Variants in MACF1 observed in about 807,000 individuals in gnomAD.
MACF1 encodes microtubule actin crosslinking factor 1, also known as microtubule-actin cross-linking factor 1.
In MACF1, 193 loss-of-function variants were observed where a neutral mutation model predicts 854.8. The ratio of observed to expected loss-of-function variants is 0.23; its 90% CI spans 0.20 to 0.25. The LOEUF is 0.25. Among genes scored for constraint, MACF1 ranks in the 10% least tolerant of loss-of-function variants. The probability of loss-of-function intolerance (pLI) is 1.00; values close to 1 mark genes in which losing one functional copy is unlikely to be tolerated. For missense variants in MACF1, 7,722 were observed against 8,929.1 expected (o/e 0.86, Z 5.45); for synonymous variants, 3,185 against 3,226.7 (o/e 0.99, Z 0.44).
intron 26 of MACF1, among the ~76,000 whole-genome samples, chr1:39,312,562 C>A (rs570784571): frequency 1.3e-5 from 2 of 152,036 alleles, no homozygotes; most frequent in Non-Finnish European, 2.9e-5. Context: ...TGGTGGCTCA[C>A]GTCTGTAATC....
chr1:39,163,031 T>C (rs1445616617), intron 2 of MACF1, among the ~76,000 whole-genome samples: 1 of 152,146 alleles, frequency 6.6e-6, no homozygotes, highest in Non-Finnish European at 1.5e-5. Flanking sequence ...GGGTTTTCTC[T>C]TCAGTGCCAG....
intron 58 of MACF1, among the ~76,000 whole-genome samples, chr1:39,417,554 GT>G (rs557585953): frequency 5.5e-4 from 78 of 141,726 alleles, no homozygotes; most frequent in Middle Eastern, 3.6e-3. Context: ...AAAAGTTTTT[GT>G]TTTTTTTTTT....
At chr1:39,244,270 A>G (rs1644957594) in intron 2 of MACF1, among the ~76,000 whole-genome samples, 1 of 150,910 alleles carries the variant, frequency 6.6e-6, no homozygotes, top group Admixed American at 6.6e-5. Flanking sequence ...ACGCCCCGCT[A>G]ATTTTTGTAT....
At chr1:39,194,594 C>T (rs1644297688) in intron 2 of MACF1, among the ~76,000 whole-genome samples, 1 of 151,990 alleles carries the variant, frequency 6.6e-6, no homozygotes, top group African/African-American at 2.4e-5. Flanking sequence ...CACCCCGCCT[C>T]AGCCTTTTAA....
At chr1:39,285,494 AT>A in intron 13 of MACF1, 104 bp downstream of exon 13, 1 of 1,370,460 alleles carries the variant, frequency 7.3e-7, no homozygotes, top group African/African-American at 1.5e-5. Context: ...CAGATGTATT[AT>A]TTCCCTTTTT....
At chr1:39,304,340 T>C in intron 23 of MACF1, 2 of 779,028 alleles carry the variant, frequency 2.6e-6, no homozygotes, top group South Asian at 2.7e-5. Flanking sequence ...AAATAGGAAA[T>C]AATCCTTGTC....
At chr1:39,138,671 A>AT (rs1054695507) in intron 2 of MACF1, among the ~76,000 whole-genome samples, 23 of 149,256 alleles carry the variant, frequency 1.5e-4, no homozygotes, top group East Asian at 7.9e-4. Context: ...AGGCCAAATA[A>AT]TTTTTTTTTT....
chr1:39,257,995 G>A lies in MACF1; in HGVS notation c.495G>A (p.Leu165=). ...CAGATGGCAACCCCAAGTTGACCCTGGGTCTGATCTGGACCATTATTTTGC... is the reference window on the plus strand; with the variant it reads ...CAGATGGCAACCCCAAGTTGACCCTAGGTCTGATCTGGACCATTATTTTGC... The part of the protein sequence containing the change: ...DITDGNPKLT[L]GLIWTIILHF... The change falls in exon 6 of 101, where the codon CTG becomes CTA. Residue 165 remains leucine, a synonymous_variant. Coordinates refer to ENST00000564288, the MANE Select transcript of MACF1 (RefSeq NM_001394062.1). The A allele has an allele frequency of 6.2e-7, 1 of 1,614,090 alleles. No homozygotes were observed. The highest frequency in any genetic ancestry group is 8.5e-7 in the Non-Finnish European group (1 of 1,179,980).
chr1:39,133,357 A>G lies in MACF1; in HGVS notation c.220+48919A>G, dbSNP rs189480714. ...TCTGGAGTGAGAGCAGAGACCTGGAAGAGAGATCAGTGGGGAGGCAGTCAT... is the reference window on the plus strand; with the variant it reads ...TCTGGAGTGAGAGCAGAGACCTGGAGGAGAGATCAGTGGGGAGGCAGTCAT... On this transcript the variant is annotated intron_variant, in intron 2 of 93. Transcript: ENST00000361689. Among the ~76,000 whole-genome samples, 77 of 152,316 alleles carry G rather than the reference A, an allele frequency of 5.1e-4. No individual in the cohort carries two copies. The East Asian group carries it at 0.012, about 23-fold the overall frequency.
chr1:39,430,371 G>A (rs545986976), intron 65 of MACF1, among the ~76,000 whole-genome samples: 22 of 151,966 alleles, frequency 1.4e-4, no homozygotes, highest in African/African-American at 5.3e-4. Flanking sequence ...TAGAAATATT[G>A]TATAGGTACT....
At chr1:39,394,689 C>A (rs1265841119) in intron 58 of MACF1, among the ~76,000 whole-genome samples, 1 of 152,176 alleles carries the variant, frequency 6.6e-6, no homozygotes, top group Non-Finnish European at 1.5e-5. Context: ...TGCCAGTTTA[C>A]TCCTTCCTTT....
At chr1:39,167,609 G>A (rs534320032) in intron 2 of MACF1, among the ~76,000 whole-genome samples, 9 of 152,076 alleles carry the variant, frequency 5.9e-5, no homozygotes, top group Non-Finnish European at 1.2e-4. Flanking sequence ...AGGAGCCTGA[G>A]GCAGGAGAAT....
chr1:39,104,290 T>C (rs1404644297), intron 2 of MACF1, among the ~76,000 whole-genome samples: 5 of 152,178 alleles, frequency 3.3e-5, no homozygotes, highest in Admixed American at 3.3e-4. Context: ...CCATGAATAT[T>C]GGGATTGAAT....
At chr1:39,178,512 T>A (rs1213704390) in intron 2 of MACF1, among the ~76,000 whole-genome samples, 1 of 152,226 alleles carries the variant, frequency 6.6e-6, no homozygotes, top group East Asian at 1.9e-4. Flanking sequence ...TTCACCCCAG[T>A]GGGGCACATA....
chr1:39,237,493 G>T (rs943935048), intron 2 of MACF1, among the ~76,000 whole-genome samples: 1 of 152,190 alleles, frequency 6.6e-6, no homozygotes, highest in Non-Finnish European at 1.5e-5. Context: ...GTGTTATAGC[G>T]TATGAAGCAC....
At chr1:39,225,547 T>C (rs1644707155) in intron 1 of MACF1, among the ~76,000 whole-genome samples, 1 of 152,204 alleles carries the variant, frequency 6.6e-6, no homozygotes, top group African/African-American at 2.4e-5. Context: ...AGCCTTCTAA[T>C]TCAGTAACCC....
chr1:39,393,192 A>ATATATATATAT (rs1434134146), intron 58 of MACF1, among the ~76,000 whole-genome samples: 31 of 84,628 alleles, frequency 3.7e-4, no homozygotes, highest in African/African-American at 1.4e-3. Flanking sequence ...AAAAAAAAAA[A>ATATATATATAT]AAAAATATAT....
At chr1:39,237,048 G>A (rs758299515) in intron 2 of MACF1, among the ~76,000 whole-genome samples, 2 of 152,190 alleles carry the variant, frequency 1.3e-5, no homozygotes, top group Admixed American at 6.5e-5. Context: ...ACTTTGCAGC[G>A]TTTCCAACCC....
At chr1:39,210,379 T>TA (rs1024948276) in intron 1 of MACF1, among the ~76,000 whole-genome samples, 93 of 146,010 alleles carry the variant, frequency 6.4e-4, no homozygotes, top group Admixed American at 9.6e-4. Flanking sequence ...TTCCTTTTTT[T>TA]AAAAAAAAAA....
Sources: gnomAD v4.1 joint callset for allele counts (sites outside exome capture counted in the v4.1 genomes callset) on GRCh38, gnomAD v4.1.1 for gene constraint, MANE v1.5 for transcripts, NCBI Gene and HGNC (gene_info 2026-07-23, HGNC 2026-07-21) for gene names.